Variants in TENM3 observed in about 807,000 individuals in gnomAD.
TENM3 encodes teneurin transmembrane protein 3, also known as teneurin-3.
In TENM3, 63 loss-of-function variants were observed where a neutral mutation model predicts 255.1. The ratio of observed to expected loss-of-function variants is 0.25; its 90% CI spans 0.20 to 0.30. The LOEUF is 0.30. TENM3 is among the 10% of genes least tolerant of loss of function. The probability of loss-of-function intolerance (pLI) is 1.00; values close to 1 mark genes in which losing one functional copy is unlikely to be tolerated. For missense variants in TENM3, 2,929 were observed against 3,461.1 expected (o/e 0.85, Z 3.86); for synonymous variants, 1,306 against 1,322.3 (o/e 0.99, Z 0.27).
chr4:181,839,589 A>T, the TENM3 span, among the ~76,000 whole-genome samples: 65 of 150,292 alleles, frequency 4.3e-4, no homozygotes, highest in African/African-American at 1.6e-3. Context: ...GTAAACTTAC[A>T]CTTTCTCAGT....
At chr4:181,489,353 C>A in the TENM3 span, among the ~76,000 whole-genome samples, 2 of 152,110 alleles carry the variant, frequency 1.3e-5, no homozygotes, top group Non-Finnish European at 1.5e-5. Flanking sequence ...CCAGATTGGA[C>A]TTTTAAAAGT....
chr4:181,540,313 A>C, the TENM3 span, among the ~76,000 whole-genome samples: 4,913 of 152,302 alleles, frequency 0.032, 196 homozygotes, highest in African/African-American at 0.093. Context: ...CACATAATTC[A>C]ATAAATAAAT....
chr4:181,816,178 C>G, the TENM3 span, among the ~76,000 whole-genome samples: 1 of 152,146 alleles, frequency 6.6e-6, no homozygotes, highest in Non-Finnish European at 1.5e-5. Context: ...CCTGTCTTCT[C>G]AATGTGGCTG....
the TENM3 span, among the ~76,000 whole-genome samples, chr4:181,956,491 A>G: frequency 3.3e-5 from 5 of 151,996 alleles, no homozygotes; most frequent in Middle Eastern, 3.4e-3. Flanking sequence ...TCACTGCTAT[A>G]TTCCAAGTAG....
the TENM3 span, among the ~76,000 whole-genome samples, chr4:181,756,502 C>T: frequency 6.6e-6 from 1 of 152,174 alleles, no homozygotes; most frequent in Non-Finnish European, 1.5e-5. Flanking sequence ...ATGCTATGTG[C>T]TCCAAGATGG....
rs1224130081 is a variant in TENM3, at chr4:182,393,053, T to G, written c.511+46124T>G. Among the ~76,000 whole-genome samples the G allele has an allele frequency of 3.9e-5, 6 of 152,222 alleles. No homozygotes were observed. In the East Asian group the frequency reaches 1.2e-3, roughly 29 times the overall value. The stretch of plus-strand genomic sequence containing the variant: ...TGTCTTTGAGGGATAAAAGATGCTA[T>G]CGGAGCGTTTCCTCTTAATGAGATC... On this transcript the variant is annotated intron_variant, in intron 3 of 27. Coordinates refer to ENST00000511685, the MANE Select transcript of TENM3 (RefSeq NM_001080477.4).
intron 3 of TENM3, among the ~76,000 whole-genome samples, chr4:182,583,177 G>A (rs918251299): frequency 6.6e-6 from 1 of 152,150 alleles, no homozygotes. Flanking sequence ...GATCTGGCCC[G>A]AGGGAGACAC....
chr4:181,495,268 A>C, the TENM3 span, among the ~76,000 whole-genome samples: 1 of 152,262 alleles, frequency 6.6e-6, no homozygotes, highest in East Asian at 1.9e-4. Flanking sequence ...AAACTAAAGG[A>C]GTCATAGGAG....
At chr4:182,054,019 G>A in the TENM3 span, among the ~76,000 whole-genome samples, 42 of 152,222 alleles carry the variant, frequency 2.8e-4, no homozygotes, top group Middle Eastern at 3.4e-3. Context: ...GATGTCGATC[G>A]CCTGCTCAAA....
At chr4:181,529,513 T>A in the TENM3 span, among the ~76,000 whole-genome samples, 1 of 152,118 alleles carries the variant, frequency 6.6e-6, no homozygotes, top group Non-Finnish European at 1.5e-5. Flanking sequence ...TCAGGAGACA[T>A]GAGAACTTAC....
rs144007785 is a variant in TENM3, at chr4:182,696,301, C to A, written c.2221+7950C>A. 2.5e-3 allele frequency among the ~76,000 whole-genome samples: 387 copies of A among 152,272 alleles called. 1 individual carries two copies. The highest frequency in any genetic ancestry group is 8.3e-3 in the African/African-American group (344 of 41,562). On this transcript the variant is annotated intron_variant, in intron 12 of 27. Transcript: ENST00000511685. Reference sequence around the variant, plus strand: ...TAAACTATCGCATAGAATATAGACTCAATTATCTCTCTATACTCTCTATAG... The same window carrying A: ...TAAACTATCGCATAGAATATAGACTAAATTATCTCTCTATACTCTCTATAG...
chr4:181,974,734 A>G, the TENM3 span, among the ~76,000 whole-genome samples: 3 of 152,178 alleles, frequency 2.0e-5, no homozygotes, highest in Non-Finnish European at 4.4e-5. Flanking sequence ...ACTACCAGTG[A>G]CAAACACTGA....
At chr4:181,830,254 C>CT in the TENM3 span, among the ~76,000 whole-genome samples, 1 of 151,918 alleles carries the variant, frequency 6.6e-6, no homozygotes, top group African/African-American at 2.4e-5. Flanking sequence ...GCTGCTGCTG[C>CT]TTTTTTTGTT....
chr4:182,497,878 A>ATATATATATT (rs1446346027), intron 3 of TENM3, among the ~76,000 whole-genome samples: 8 of 143,002 alleles, frequency 5.6e-5, no homozygotes, highest in African/African-American at 2.2e-4. Flanking sequence ...ATATATATAT[A>ATATATATATT]TATATCTCAA....
At chr4:182,648,815 T>C (rs1752995888) in intron 5 of TENM3, among the ~76,000 whole-genome samples, 1 of 152,178 alleles carries the variant, frequency 6.6e-6, no homozygotes, top group African/African-American at 2.4e-5. Flanking sequence ...CATGAACTTA[T>C]ACAGTATTCC....
chr4:182,792,966 C>A lies in TENM3; in HGVS notation c.6294C>A (p.Leu2098=), dbSNP rs369904663. 1.9e-6 allele frequency: 3 copies of A among 1,613,778 alleles called. No homozygotes were observed. In the South Asian group the frequency reaches 3.3e-5, roughly 18 times the overall value. Residue 2098 remains leucine (L), a synonymous_variant, in exon 26 of 28, where the codon CTC becomes CTA. Transcript: ENST00000511685. The surrounding 1 kb of genome is among the most constrained non-coding windows in gnomAD (Gnocchi z 6.3). ...KEIQYEIFRS[L]MYWITIQYDN... ...TTCAATATGAGATATTCAGGTCGCT[C>A]ATGTACTGGATTACAATTCAGTATG... is the stretch of plus-strand genomic sequence containing the variant.
chr4:182,784,568 G>A (rs942608184), intron 24 of TENM3, among the ~76,000 whole-genome samples: 11 of 152,116 alleles, frequency 7.2e-5, no homozygotes, highest in Admixed American at 2.0e-4. Context: ...TCCTTGAGCT[G>A]TGGTGGGCTC....
At chr4:181,811,555 AT>A in the TENM3 span, among the ~76,000 whole-genome samples, 20 of 152,222 alleles carry the variant, frequency 1.3e-4, no homozygotes, top group Non-Finnish European at 2.5e-4. Flanking sequence ...AGACTGGGTA[AT>A]TTATGAAGGA....
At chr4:181,934,853 A>G in the TENM3 span, among the ~76,000 whole-genome samples, 2 of 152,188 alleles carry the variant, frequency 1.3e-5, no homozygotes, top group Non-Finnish European at 2.9e-5. Flanking sequence ...TCAGAAGGAA[A>G]ACTGACATGA....
Sources: gnomAD v4.1 joint callset for allele counts (sites outside exome capture counted in the v4.1 genomes callset) on GRCh38, gnomAD v4.1.1 for gene constraint, Gnocchi (gnomAD v3.1) non-coding constraint, MANE v1.5 for transcripts, NCBI Gene and HGNC (gene_info 2026-07-23, HGNC 2026-07-21) for gene names.